IL1RAPL2: variants seen among roughly 807,000 people sequenced by gnomAD.
IL1RAPL2 encodes X-linked interleukin-1 receptor accessory protein-like 2.
IL1RAPL2 carries 3 observed loss-of-function variants against 44.1 expected under a neutral mutation model. That is an observed-to-expected ratio of 0.07 (90% CI 0.03 to 0.18). IL1RAPL2 has a LOEUF of 0.18. Ranked by LOEUF, IL1RAPL2 falls within the 10% of genes least tolerant of loss-of-function variation. IL1RAPL2 has a pLI of 1.00. For synonymous variants in IL1RAPL2, 181 were observed against 178.8 expected, an observed-to-expected ratio of 1.01 and a Z score of -0.10; for missense variants, 391 against 496.4, an observed-to-expected ratio of 0.79 and a Z score of 2.02.
intron 2 of IL1RAPL2, among the ~76,000 whole-genome samples, chrX:104,859,274 T>C (rs1922438544): frequency 9.0e-6 from 1 of 111,527 alleles, no homozygotes. Flanking sequence ...AAGGAGACGA[T>C]GAAGATTTTT....
rs148748483 is a variant in IL1RAPL2 at position 105,283,392 on chromosome X, T to C, written c.697+15851T>C. ...GACCCTGATGGTTAAGAAAAAGCCATCTAGATGAAGAGCGGGTGAAAAATA... is the reference window on the plus strand; with the variant it reads ...GACCCTGATGGTTAAGAAAAAGCCACCTAGATGAAGAGCGGGTGAAAAATA... On this transcript the variant is annotated intron_variant, in intron 5 of 10. Transcript: ENST00000372582. 3.2e-3 allele frequency among the ~76,000 whole-genome samples: 356 copies of C among 111,535 alleles called. 1 individual carries two copies. Among genetic ancestry groups the C allele is most frequent in the African/African-American group, 0.011 (343 of 30,676 alleles).
chrX:105,694,234 G>A (rs1414655655), intron 6 of IL1RAPL2, among the ~76,000 whole-genome samples: 1 of 111,592 alleles, frequency 9.0e-6, no homozygotes, highest in South Asian at 3.7e-4. Flanking sequence ...TCTCTTGACT[G>A]GAAGACCTAT....
chrX:105,763,006 GACT>G (rs1237156452), intron 10 of IL1RAPL2, among the ~76,000 whole-genome samples: 1 of 111,245 alleles, frequency 9.0e-6, no homozygotes, highest in Non-Finnish European at 1.9e-5. Context: ...GCCTGTCAGG[GACT>G]ACTACTAACT....
chrX:105,032,743 C>T (rs1185607331), intron 2 of IL1RAPL2, among the ~76,000 whole-genome samples: 7 of 110,991 alleles, frequency 6.3e-5, no homozygotes, highest in Non-Finnish European at 1.1e-4. Flanking sequence ...CTATTAGGTT[C>T]GCTTGGTACA....
At chrX:105,092,924 G>A (rs139482930) in intron 2 of IL1RAPL2, among the ~76,000 whole-genome samples, 2,249 of 110,573 alleles carry the variant, frequency 0.02, 72 homozygotes, top group African/African-American at 0.07. Context: ...CCTATACATA[G>A]AATAAAGAAA....
At chrX:105,363,740 CTCT>C (rs2147713362) in intron 5 of IL1RAPL2, among the ~76,000 whole-genome samples, 1 of 110,317 alleles carries the variant, frequency 9.1e-6, no homozygotes, top group East Asian at 2.8e-4. Context: ...CCATTCATAT[CTCT>C]TCTTTTAAGA....
chrX:105,580,244 G>A (rs917200388), intron 6 of IL1RAPL2, among the ~76,000 whole-genome samples: 1 of 111,179 alleles, frequency 9.0e-6, no homozygotes, highest in Non-Finnish European at 1.9e-5. Context: ...TTTTAAATGG[G>A]CAGCCTCCGT....
chrX:105,041,763 C>A (rs1319493301), intron 2 of IL1RAPL2, among the ~76,000 whole-genome samples: 1 of 108,343 alleles, frequency 9.2e-6, no homozygotes, highest in Non-Finnish European at 1.9e-5. Context: ...GAGCCCGCAT[C>A]GCCAAGTCAA....
intron 2 of IL1RAPL2, among the ~76,000 whole-genome samples, chrX:104,734,211 G>A (rs187447679): frequency 1.8e-5 from 2 of 112,195 alleles, no homozygotes; most frequent in East Asian, 5.6e-4. Context: ...AATGTAAAAT[G>A]GTACAGCTAC....
chrX:105,009,004 A>G (rs1349727555), intron 2 of IL1RAPL2, among the ~76,000 whole-genome samples: 2 of 112,351 alleles, frequency 1.8e-5, no homozygotes, highest in Non-Finnish European at 3.8e-5. Context: ...AAAACTGCTC[A>G]TCATCACTGG....
intron 6 of IL1RAPL2, among the ~76,000 whole-genome samples, chrX:105,602,806 A>T (rs2037264002): frequency 9.1e-6 from 1 of 110,293 alleles, no homozygotes; most frequent in Non-Finnish European, 1.9e-5. Context: ...AAGAAAAAAA[A>T]AAAAACCTGT....
At chrX:105,338,040 G>A (rs1048896863) in intron 5 of IL1RAPL2, among the ~76,000 whole-genome samples, 1 of 112,194 alleles carries the variant, frequency 8.9e-6, no homozygotes, top group Non-Finnish European at 1.9e-5. Flanking sequence ...GCAAGACATG[G>A]GTTTTAAGAG....
intron 2 of IL1RAPL2, among the ~76,000 whole-genome samples, chrX:104,944,405 C>T (rs778410256): frequency 3.6e-5 from 4 of 111,829 alleles, no homozygotes; most frequent in African/African-American, 9.7e-5. Flanking sequence ...TTGTTCTCTT[C>T]TCAGGATTAA....
intron 5 of IL1RAPL2, among the ~76,000 whole-genome samples, chrX:105,380,754 A>G (rs1315628207): frequency 8.9e-6 from 1 of 111,928 alleles, no homozygotes; most frequent in African/African-American, 3.2e-5. Context: ...AGGGACTTAC[A>G]GACAGCTGAC....
intron 1 of IL1RAPL2, among the ~76,000 whole-genome samples, chrX:104,634,264 CTG>C (rs989095227): frequency 5.4e-5 from 6 of 111,420 alleles, no homozygotes; most frequent in African/African-American, 1.6e-4. Context: ...TTACTTCCAA[CTG>C]TGTGGTCCAT....
At chrX:104,958,617 A>G (rs1033617358) in intron 2 of IL1RAPL2, among the ~76,000 whole-genome samples, 2 of 102,696 alleles carry the variant, frequency 1.9e-5, no homozygotes, top group African/African-American at 3.6e-5. Context: ...GCTTCCTACC[A>G]CTCTGGAATG....
chrX:104,895,271 C>T (rs1219189254), intron 2 of IL1RAPL2, among the ~76,000 whole-genome samples: 1 of 112,510 alleles, frequency 8.9e-6, no homozygotes, highest in Non-Finnish European at 1.9e-5. Flanking sequence ...GTTCTCAGTT[C>T]TCAAACTCTG....
chrX:105,457,804 G>A (rs182094953), intron 5 of IL1RAPL2, among the ~76,000 whole-genome samples: 23 of 109,998 alleles, frequency 2.1e-4, no homozygotes, highest in African/African-American at 7.6e-4. Context: ...ATCTCCTTGA[G>A]TTTCTTTCCA....
intron 2 of IL1RAPL2, among the ~76,000 whole-genome samples, chrX:104,994,062 CAT>C (rs1454723489): frequency 1.8e-5 from 2 of 111,839 alleles, no homozygotes; most frequent in East Asian, 2.8e-4. Flanking sequence ...GAAATGAAAA[CAT>C]ATGTCTACAG....
Sources: gnomAD v4.1 joint callset for allele counts (sites outside exome capture counted in the v4.1 genomes callset) on GRCh38, gnomAD v4.1.1 for gene constraint, MANE v1.5 for transcripts, NCBI Gene and HGNC (gene_info 2026-07-23, HGNC 2026-07-21) for gene names.